The following LAMP5 variants were observed in gnomAD, a reference collection of about 807,000 sequenced individuals.
The protein encoded by LAMP5 is lysosome-associated membrane glycoprotein 5.
In LAMP5, 36 loss-of-function variants were observed where a neutral mutation model predicts 30.2. That is an observed-to-expected ratio of 1.19 (90% CI 0.91 to 1.57). LAMP5 has a LOEUF of 1.57. Among genes scored for constraint, LAMP5 ranks in the 40% most tolerant of loss-of-function variants. The pLI is 0.00. For synonymous variants in LAMP5, 149 were observed against 134.6 expected (o/e 1.11, Z -0.74); for missense variants, 377 against 354.9 (o/e 1.06, Z -0.50).
intron 5 of LAMP5, 80 bp downstream of exon 5, chr20:9,518,308 G>A: frequency 1.6e-6 from 2 of 1,255,402 alleles, no homozygotes; most frequent in Non-Finnish European, 2.3e-6. Context: ...AGGGCCCCAG[G>A]ATGTTACCAC....
At chr20:9,521,744 G>A (rs1210924428) in intron 5 of LAMP5, among the ~76,000 whole-genome samples, 1 of 152,200 alleles carries the variant, frequency 6.6e-6, no homozygotes. Flanking sequence ...AGATGGGAAT[G>A]GGGATGTGTC....
chr20:9,516,700 G>A (rs2045043124), intron 4 of LAMP5, among the ~76,000 whole-genome samples: 1 of 152,178 alleles, frequency 6.6e-6, no homozygotes, highest in African/African-American at 2.4e-5. Context: ...GGGCAAAGCT[G>A]CATTTTAATT....
intron 5 of LAMP5, among the ~76,000 whole-genome samples, chr20:9,523,213 C>T (rs1400672017): frequency 6.6e-5 from 10 of 152,042 alleles, no homozygotes; most frequent in Non-Finnish European, 1.5e-4. Flanking sequence ...GAGTCCAGGG[C>T]CAGCACAGGG....
chr20:9,516,331 G>A lies in LAMP5; in HGVS notation c.445G>A (p.Glu149Lys). The change falls in exon 4 of 6, where the codon GAG (glutamate) becomes AAG (lysine). Residue 149 changes from glutamate (E) to lysine (K), a missense_variant. Coordinates refer to ENST00000246070, the MANE Select transcript of LAMP5 (RefSeq NM_012261.4). ...SKVQFVYDSSEKTHFKDAVSA... is the reference protein window; with the variant it reads ...SKVQFVYDSSKKTHFKDAVSA... ...AGTGCAGTTTGTCTACGACTCCTCG[G>A]AGAAAACCCACTTCAAAGACGCAGT... is the stretch of plus-strand genomic sequence containing the variant. The A allele has an allele frequency of 6.2e-7, 1 of 1,614,192 alleles. No individual in the cohort carries two copies. Among genetic ancestry groups the A allele is most frequent in the Non-Finnish European group, 8.5e-7 (1 of 1,180,034 alleles).
chr20:9,516,151 G>A lies in LAMP5; in HGVS notation c.369+20G>A, dbSNP rs747679799. The A allele has an allele frequency of 1.3e-6, 2 of 1,581,098 alleles. No individual in the cohort carries two copies. Among genetic ancestry groups the A allele is most frequent in the Non-Finnish European group, 8.6e-7 (1 of 1,163,922 alleles). On this transcript the variant is annotated intron_variant, in intron 3 of 5. Coordinates refer to ENST00000246070, the MANE Select transcript of LAMP5 (RefSeq NM_012261.4). ...GTAAAGGTAACTCCGAGCCCAGCGG[G>A]CAGAGGGGCCGCAGGCTCCGCGTGG...
chr20:9,529,963 G>A lies in LAMP5; in HGVS notation c.*143G>A, dbSNP rs1049228319. 1 of 796,680 alleles carries A rather than the reference G, an allele frequency of 1.3e-6. No homozygotes were observed. Among genetic ancestry groups the A allele is most frequent in the Non-Finnish European group, 1.9e-6 (1 of 515,544 alleles). 49.4% of individuals were successfully genotyped at this position (796,680 alleles called of 1,614,324 possible). On this transcript the variant is annotated 3_prime_UTR_variant, in exon 6 of 6. Transcript: ENST00000246070. ...TGGGTATCTGAGGCTTGCTTGGCTT[G>A]TGTCCATGCTTAAACCCACGGAAGG...
At chr20:9,520,316 G>GT (rs1037853162) in intron 5 of LAMP5, among the ~76,000 whole-genome samples, 5 of 152,282 alleles carry the variant, frequency 3.3e-5, no homozygotes, top group Non-Finnish European at 5.9e-5. Context: ...GTGTGGCTGC[G>GT]TTTTTTTGTT....
chr20:9,518,015 C>T (rs933827093), intron 4 of LAMP5, 25 bp from the exon 5 acceptor site: 1 of 1,611,214 alleles, frequency 6.2e-7, no homozygotes, highest in Non-Finnish European at 8.5e-7. Flanking sequence ...AGGGTTCTAA[C>T]TATTGCTCTG....
At chr20:9,528,942 T>A (rs2045132183) in intron 5 of LAMP5, among the ~76,000 whole-genome samples, 1 of 152,222 alleles carries the variant, frequency 6.6e-6, no homozygotes, top group Admixed American at 6.5e-5. Context: ...CATTCCTTTT[T>A]ATTACTGACT....
chr20:9,515,645 C>A lies in LAMP5; in HGVS notation c.237+20C>A, dbSNP rs200635745. On this transcript the variant is annotated intron_variant, in intron 2 of 5. Coordinates refer to ENST00000246070, the MANE Select transcript of LAMP5 (RefSeq NM_012261.4). ...GTAGATGTAAGGAATCTTTCCCCCC[C>A]CTCAGCTTGCTCCTAGGGCTCCAGG... The A allele has an allele frequency of 1.6e-5, 25 of 1,611,654 alleles. No individual in the cohort carries two copies. The highest frequency in any genetic ancestry group is 2.7e-5 in the African/African-American group (2 of 74,854).
chr20:9,515,719 C>T, intron 2 of LAMP5, 94 bp downstream of exon 2: 1 of 1,389,058 alleles, frequency 7.2e-7, no homozygotes, highest in Non-Finnish European at 9.9e-7. Flanking sequence ...GGTTGCCCGC[C>T]TTCTTTCCCA....
At chr20:9,522,972 C>CTTTTTTTTTTTT (rs60017722) in intron 5 of LAMP5, among the ~76,000 whole-genome samples, 4 of 104,184 alleles carry the variant, frequency 3.8e-5, no homozygotes, top group African/African-American at 8.6e-5. Context: ...ATACTTAAAT[C>CTTTTTTTTTTTT]TTTTTTTTTT....
intron 4 of LAMP5, among the ~76,000 whole-genome samples, chr20:9,517,621 A>ATGTGTGTGTGTGTGTG (rs3037127): frequency 0.028 from 4,151 of 149,176 alleles, 193 homozygotes; most frequent in African/African-American, 0.095. Context: ...TTGTAAATGT[A>ATGTGTGTGTGTGTGTG]TGTGTGTGTG....
intron 5 of LAMP5, among the ~76,000 whole-genome samples, chr20:9,524,183 CT>C: frequency 6.6e-6 from 1 of 152,244 alleles, no homozygotes; most frequent in East Asian, 1.9e-4. Flanking sequence ...ATCTGAAATT[CT>C]TTTAAAAATA....
At chr20:9,516,210 C>G in intron 3 of LAMP5, 46 bp from the exon 4 acceptor site, 1 of 1,611,182 alleles carries the variant, frequency 6.2e-7, no homozygotes, top group Non-Finnish European at 8.5e-7. Flanking sequence ...GTTTAAGAAC[C>G]CAGACGCTGC....
chr20:9,529,775 G>T lies in LAMP5; in HGVS notation c.798G>T (p.Gln266His). ...YHVHHKMTAN[Q>H]VQIPRDRSQY... ...TCCACCACAAAATGACTGCCAACCA[G>T]GTGCAGATCCCTCGGGACAGATCCC... Residue 266 changes from glutamine to histidine, a missense_variant, in exon 6 of 6, where the codon CAG becomes CAT. By Grantham distance (24) the Gln-to-His change is conservative. Transcript: ENST00000246070. 6.2e-7 allele frequency: 1 copy of T among 1,614,194 alleles called. No individual in the cohort carries two copies. The highest frequency in any genetic ancestry group is 8.5e-7 in the Non-Finnish European group (1 of 1,180,044).
Position 9,529,811 on chromosome 20 carries a change from C to T in LAMP5, c.834C>T (p.His278=). 1 of 1,614,106 alleles carries T rather than the reference C, an allele frequency of 6.2e-7. No individual in the cohort carries two copies. The highest frequency in any genetic ancestry group is 8.5e-7 in the Non-Finnish European group (1 of 1,179,964). The change falls in exon 6 of 6, where the codon CAC becomes CAT. Residue 278 remains histidine, a synonymous_variant. Transcript: ENST00000246070. ...QIPRDRSQYK[H]MG ...CTCGGGACAGATCCCAGTATAAGCA[C>T]ATGGGCTAGAGGCCGTTAGGCAGGC...
At chr20:9,523,631 A>C (rs2045093020) in intron 5 of LAMP5, among the ~76,000 whole-genome samples, 1 of 152,102 alleles carries the variant, frequency 6.6e-6, no homozygotes, top group South Asian at 2.1e-4. Flanking sequence ...TCCAATGATG[A>C]GGCTGGTTTT....
chr20:9,515,334 C>A, intron 1 of LAMP5, 119 bp from the exon 2 acceptor site: 2 of 869,536 alleles, frequency 2.3e-6, no homozygotes, highest in Non-Finnish European at 3.5e-6. Context: ...GTAGAGCGCA[C>A]AGCTGCTGGC....
Sources: gnomAD v4.1 joint callset for allele counts (sites outside exome capture counted in the v4.1 genomes callset) on GRCh38, gnomAD v4.1.1 for gene constraint, MANE v1.5 for transcripts, NCBI Gene and HGNC (gene_info 2026-07-23, HGNC 2026-07-21) for gene names.